NAA15: variants seen among roughly 807,000 people sequenced by gnomAD.
NAA15 encodes N-alpha-acetyltransferase 15, NatA auxiliary subunit.
NAA15 carries 34 observed loss-of-function variants against 114.0 expected under a neutral mutation model. That is an observed-to-expected ratio of 0.30 (90% CI 0.23 to 0.40). The LOEUF is 0.40. NAA15 is among the 10% of genes least tolerant of loss of function. The pLI is 1.00. For synonymous variants in NAA15, 340 were observed against 338.0 expected (o/e 1.01, Z -0.06); for missense variants, 658 against 1,004.5 (o/e 0.66, Z 4.66).
At chr4:139,337,579 G>A (rs1323122353) in intron 3 of NAA15, among the ~76,000 whole-genome samples, 3 of 152,168 alleles carry the variant, frequency 2.0e-5, no homozygotes, top group African/African-American at 7.2e-5. Context: ...GTTTATTAAG[G>A]AAGAGTAAGA....
At chr4:139,343,061 T>C (rs1014459865) in intron 5 of NAA15, 101 bp downstream of exon 5, 1 of 1,104,632 alleles carries the variant, frequency 9.1e-7, no homozygotes, top group Admixed American at 2.7e-5. Context: ...AGTTTCAAAC[T>C]TATAGAAAAG....
chr4:139,311,180 CATTT>C (rs1746213073), intron 1 of NAA15, among the ~76,000 whole-genome samples: 1 of 151,914 alleles, frequency 6.6e-6, no homozygotes, highest in South Asian at 2.1e-4. Flanking sequence ...ACTTTATTCT[CATTT>C]ATCAGCTTCT....
intron 9 of NAA15, 93 bp from the exon 10 acceptor site, chr4:139,353,932 TA>T: frequency 1.1e-6 from 1 of 928,734 alleles, no homozygotes; most frequent in Non-Finnish European, 1.7e-6. Context: ...TTGGAGTGTT[TA>T]TTTAGTGTTT....
chr4:139,343,749 T>A (rs1322903092), intron 5 of NAA15, among the ~76,000 whole-genome samples: 1 of 152,244 alleles, frequency 6.6e-6, no homozygotes, highest in Non-Finnish European at 1.5e-5. Flanking sequence ...TTTTTCTCTC[T>A]TTGTGTTTAA....
In NAA15 at chr4:139,361,949, AG is replaced by A; in HGVS notation, c.1753+13del. The A allele has an allele frequency of 9.6e-7, 1 of 1,046,390 alleles. No individual in the cohort carries two copies. Among genetic ancestry groups the A allele is most frequent in the Non-Finnish European group, 1.2e-6 (1 of 806,670 alleles). 64.8% of individuals were successfully genotyped at this position (1,046,390 alleles called of 1,614,324 possible). On this transcript the variant is annotated intron_variant, in intron 14 of 19. Coordinates refer to ENST00000296543, the MANE Select transcript of NAA15 (RefSeq NM_057175.5). ...CGAAGCTGATACAGGTATAATATTC[AG>A]AGTTCTTCTTGTGCTCTGATGTGTT...
At position 139,387,971 on chromosome 4, in the gene NAA15, A is replaced by C. The variant is rs748153505; in HGVS notation, c.2488A>C (p.Lys830Gln). The C allele has an allele frequency of 1.9e-6, 3 of 1,614,012 alleles. No individual in the cohort carries two copies. The highest frequency in any genetic ancestry group is 1.7e-5 in the Admixed American group (1 of 60,012). Residue 830 changes from lysine to glutamine, a missense_variant, in exon 20 of 20, where the codon AAG (lysine) becomes CAG (glutamine). By Grantham distance (53) the Lys-to-Gln change is moderately conservative (BLOSUM62 1). Coordinates refer to ENST00000296543, the MANE Select transcript of NAA15 (RefSeq NM_057175.5). ...TGAAATTTATAGAGCAAATTGTCAT[A>C]AGCTTTTCCCTTATGCTTTGGCTTT... Reference protein sequence around the residue: ...AAEIYRANCHKLFPYALAFMP... With the variant: ...AAEIYRANCHQLFPYALAFMP...
At chr4:139,354,703 A>G (rs974231666) in intron 10 of NAA15, among the ~76,000 whole-genome samples, 16 of 152,312 alleles carry the variant, frequency 1.1e-4, no homozygotes, top group Admixed American at 3.9e-4. Flanking sequence ...CTCAGCTTCA[A>G]TAATTTTTAA....
At chr4:139,308,286 A>G (rs1425580101) in intron 1 of NAA15, among the ~76,000 whole-genome samples, 1 of 152,102 alleles carries the variant, frequency 6.6e-6, no homozygotes, top group East Asian at 1.9e-4. Context: ...AAATTATTTT[A>G]TGTGATTTAT....
chr4:139,375,024 A>T (rs920341201), intron 15 of NAA15, among the ~76,000 whole-genome samples: 5 of 152,100 alleles, frequency 3.3e-5, no homozygotes, highest in African/African-American at 1.2e-4. Context: ...ACTGACCCTC[A>T]TTTCAGTCTG....
At chr4:139,382,919 AT>A (rs1483458459) in intron 17 of NAA15, among the ~76,000 whole-genome samples, 1 of 152,192 alleles carries the variant, frequency 6.6e-6, no homozygotes, top group African/African-American at 2.4e-5. Flanking sequence ...ACTTAGATTA[AT>A]GATCCATTAG....
intron 1 of NAA15, among the ~76,000 whole-genome samples, chr4:139,319,783 T>C (rs765398942): frequency 7.4e-4 from 112 of 152,242 alleles, no homozygotes; most frequent in Non-Finnish European, 9.1e-4. Context: ...TCTCATGATA[T>C]GGTGTTTCAG....
intron 1 of NAA15, among the ~76,000 whole-genome samples, chr4:139,327,336 G>A (rs1366438062): frequency 6.6e-6 from 1 of 152,120 alleles, no homozygotes; most frequent in Non-Finnish European, 1.5e-5. Context: ...CACAACCTCC[G>A]TTTCCCGGGT....
At chr4:139,304,277 C>G (rs1473970994) in intron 1 of NAA15, among the ~76,000 whole-genome samples, 1 of 152,232 alleles carries the variant, frequency 6.6e-6, no homozygotes, top group Non-Finnish European at 1.5e-5. Context: ...GTAATAATCA[C>G]GTAGTTTAAG....
At chr4:139,360,255 A>G (rs1748090417) in intron 12 of NAA15, among the ~76,000 whole-genome samples, 2 of 152,146 alleles carry the variant, frequency 1.3e-5, no homozygotes, top group Admixed American at 1.3e-4. Flanking sequence ...TGTGTTTCAA[A>G]GTTTCACAGT....
At chr4:139,329,713 G>A (rs1746936361) in intron 1 of NAA15, among the ~76,000 whole-genome samples, 1 of 152,146 alleles carries the variant, frequency 6.6e-6, no homozygotes, top group Admixed American at 6.6e-5. Context: ...GCCTTGTTAT[G>A]TTTCACCCTA....
In NAA15 at chr4:139,316,016, T is replaced by C. The variant is rs928673685; in HGVS notation, c.54+14185T>C. ...CTTTTCCTGTGATTTTTTGAAGTTA[T>C]ATTTACTTTGTGAGAGTATGTCATT... On this transcript the variant is annotated intron_variant, in intron 1 of 19. Transcript: ENST00000296543. Among the ~76,000 whole-genome samples the C allele has an allele frequency of 1.7e-4, 26 of 151,786 alleles. 1 individual carries two copies. Among genetic ancestry groups the C allele is most frequent in the African/African-American group, 6.1e-4 (25 of 41,272 alleles).
At chr4:139,304,890 C>A (rs906589056) in intron 1 of NAA15, among the ~76,000 whole-genome samples, 1 of 152,100 alleles carries the variant, frequency 6.6e-6, no homozygotes, top group African/African-American at 2.4e-5. Context: ...GGTACATGTC[C>A]TCTATTTGTA....
Position 139,389,168 on chromosome 4 carries a change from A to C in NAA15, c.*1084A>C. 1 of 143,936 alleles carries C rather than the reference A, an allele frequency of 6.9e-6. No individual in the cohort carries two copies. Among genetic ancestry groups the C allele is most frequent in the African/African-American group, 2.6e-5 (1 of 38,658 alleles). 8.9% of individuals were successfully genotyped at this position (143,936 alleles called of 1,614,324 possible). ...CTCAGTTGTTTCAGGCAAGCCCAAG[A>C]CTTTGTAATTTTTAAAGGGCCCAAG... On this transcript the variant is annotated 3_prime_UTR_variant, in exon 20 of 20. Coordinates refer to ENST00000296543, the MANE Select transcript of NAA15 (RefSeq NM_057175.5).
intron 16 of NAA15, among the ~76,000 whole-genome samples, chr4:139,377,559 T>C (rs1159283637): frequency 5.9e-5 from 9 of 152,024 alleles, no homozygotes; most frequent in Non-Finnish European, 1.3e-4. Flanking sequence ...AGGTCATGTT[T>C]ATCAAAAGTA....
Sources: gnomAD v4.1 joint callset for allele counts (sites outside exome capture counted in the v4.1 genomes callset) on GRCh38, gnomAD v4.1.1 for gene constraint, MANE v1.5 for transcripts, NCBI Gene and HGNC (gene_info 2026-07-23, HGNC 2026-07-21) for gene names.